The following CUX1 variants were observed in gnomAD, a reference collection of about 807,000 sequenced individuals.
The protein encoded by CUX1 is cut like homeobox 1, also known as protein CASP.
CUX1 carries 31 observed loss-of-function variants against 158.8 expected under a neutral mutation model. The ratio of observed to expected loss-of-function variants is 0.20; its 90% CI spans 0.15 to 0.26. The LOEUF is 0.26. CUX1 is among the 10% of genes least tolerant of loss of function. The probability of loss-of-function intolerance (pLI) is 1.00; values close to 1 mark genes in which losing one functional copy is unlikely to be tolerated. For missense variants in CUX1, 1,589 were observed against 2,014.6 expected, an observed-to-expected ratio of 0.79 and a Z score of 4.04; for synonymous variants, 879 against 862.1, an observed-to-expected ratio of 1.02 and a Z score of -0.34.
intron 8 of CUX1, among the ~76,000 whole-genome samples, chr7:102,119,687 A>T (rs1300886582): frequency 2.0e-5 from 3 of 152,174 alleles, no homozygotes; most frequent in Admixed American, 6.5e-5. Flanking sequence ...GGGTTAAATA[A>T]ATGAATTATT....
intron 2 of CUX1, among the ~76,000 whole-genome samples, chr7:101,947,085 T>G (rs545133996): frequency 2.0e-5 from 3 of 152,164 alleles, no homozygotes; most frequent in African/African-American, 7.2e-5. Context: ...GATTTAAAAC[T>G]TGAGTAACTT....
chr7:101,865,509 GT>G (rs1243794597), intron 1 of CUX1, among the ~76,000 whole-genome samples: 1 of 152,186 alleles, frequency 6.6e-6, no homozygotes, highest in African/African-American at 2.4e-5. Flanking sequence ...GCTGTTAAAT[GT>G]TTACTGGCAA....
At chr7:102,216,041 C>T (rs919975683) in intron 20 of CUX1, among the ~76,000 whole-genome samples, 2 of 152,138 alleles carry the variant, frequency 1.3e-5, no homozygotes, top group African/African-American at 4.8e-5. Context: ...CAGTGGCTCA[C>T]GCCTATAATC....
intron 20 of CUX1, among the ~76,000 whole-genome samples, chr7:102,208,329 C>T (rs533635394): frequency 1.3e-5 from 2 of 152,266 alleles, no homozygotes; most frequent in Non-Finnish European, 2.9e-5. Flanking sequence ...CTGCAACCTC[C>T]GCCTCCTGGG....
At chr7:101,872,913 C>T (rs1413673747) in intron 1 of CUX1, among the ~76,000 whole-genome samples, 1 of 152,074 alleles carries the variant, frequency 6.6e-6, no homozygotes, top group Admixed American at 6.6e-5. Flanking sequence ...CGCTCTGTCA[C>T]CCGGGCTGGA....
rs1795164857 is a variant in CUX1 at position 101,841,166 on chromosome 7, T to A, written c.30+23497T>A. Among the ~76,000 whole-genome samples the A allele has an allele frequency of 2.6e-5, 4 of 152,204 alleles. No individual in the cohort carries two copies. The South Asian group carries it at 8.3e-4, about 31-fold the overall frequency. Reference sequence around the variant, plus strand: ...CCTCGGCCTCCCAAAGTGCTGGGATTACAGGCGTGAGCCACCACGCCCGGC... The same window carrying A: ...CCTCGGCCTCCCAAAGTGCTGGGATAACAGGCGTGAGCCACCACGCCCGGC... On this transcript the variant is annotated intron_variant, in intron 1 of 23. Coordinates refer to ENST00000292535, the MANE Select transcript of CUX1 (RefSeq NM_181552.4).
chr7:102,088,974 A>G (rs1049731185), intron 4 of CUX1, among the ~76,000 whole-genome samples: 1 of 151,922 alleles, frequency 6.6e-6, no homozygotes, highest in African/African-American at 2.4e-5. Flanking sequence ...TGGGAAATGT[A>G]TGTTTGGTTG....
chr7:102,069,331 G>C (rs990989537), intron 3 of CUX1, among the ~76,000 whole-genome samples: 1 of 152,084 alleles, frequency 6.6e-6, no homozygotes, highest in Non-Finnish European at 1.5e-5. Flanking sequence ...ATGTATCCGC[G>C]TTCCCACCTG....
At chr7:101,993,254 C>T (rs1384677146) in intron 2 of CUX1, among the ~76,000 whole-genome samples, 3 of 152,114 alleles carry the variant, frequency 2.0e-5, no homozygotes, top group East Asian at 3.9e-4. Context: ...CGCTTGAACC[C>T]GGGAGGTAGA....
Position 102,124,622 on chromosome 7 carries a change from T to C in CUX1, c.674+9349T>C, listed in dbSNP as rs537087471. Reference sequence around the variant, plus strand: ...CACAAGATCTCACTCATGTAAAACGTTGATCACATAAAAGTTAAGAAGAAT... The same window carrying C: ...CACAAGATCTCACTCATGTAAAACGCTGATCACATAAAAGTTAAGAAGAAT... On this transcript the variant is annotated intron_variant, in intron 8 of 23. Coordinates refer to ENST00000292535, the MANE Select transcript of CUX1 (RefSeq NM_181552.4). Among the ~76,000 whole-genome samples the C allele has an allele frequency of 2.6e-5, 4 of 152,250 alleles. No individual in the cohort carries two copies. In the East Asian group the frequency reaches 7.7e-4, roughly 29 times the overall value.
intron 18 of CUX1, among the ~76,000 whole-genome samples, chr7:102,278,907 G>C (rs1791833414): frequency 6.6e-6 from 1 of 151,674 alleles, no homozygotes. Context: ...AGGCATCGTG[G>C]CACGTGCCTG....
At chr7:101,875,478 A>G (rs1337479133) in intron 1 of CUX1, among the ~76,000 whole-genome samples, 1 of 152,216 alleles carries the variant, frequency 6.6e-6, no homozygotes, top group African/African-American at 2.4e-5. Context: ...ACACTGCCCT[A>G]TAATAAGCCA....
intron 11 of CUX1, among the ~76,000 whole-genome samples, chr7:102,184,099 T>C (rs1554514689): frequency 6.6e-6 from 1 of 152,146 alleles, no homozygotes; most frequent in African/African-American, 2.4e-5. Context: ...GGTCTTGCTA[T>C]GTTGCCCAGG....
At chr7:101,989,310 G>A (rs951544664) in intron 2 of CUX1, among the ~76,000 whole-genome samples, 17 of 152,198 alleles carry the variant, frequency 1.1e-4, no homozygotes, top group African/African-American at 2.9e-4. Flanking sequence ...TGTCTGCGCC[G>A]ACCAGTGATA....
At chr7:101,968,312 T>A (rs1811478488) in intron 2 of CUX1, among the ~76,000 whole-genome samples, 1 of 152,064 alleles carries the variant, frequency 6.6e-6, no homozygotes, top group Non-Finnish European at 1.5e-5. Context: ...AGTCAAGAGG[T>A]TGAGTCTGGG....
chr7:102,242,656 A>G (rs962617670), intron 23 of CUX1, among the ~76,000 whole-genome samples: 12 of 152,216 alleles, frequency 7.9e-5, no homozygotes, highest in African/African-American at 2.7e-4. Context: ...GATGCTACCA[A>G]TTATACAAAA....
chr7:101,828,651 G>A (rs1793655050), intron 1 of CUX1, among the ~76,000 whole-genome samples: 1 of 152,208 alleles, frequency 6.6e-6, no homozygotes, highest in Admixed American at 6.5e-5. Flanking sequence ...TCTGGGCAAA[G>A]GCACGCCCCG....
chr7:102,135,003 A>T (rs1358410796), intron 8 of CUX1, among the ~76,000 whole-genome samples: 1 of 152,112 alleles, frequency 6.6e-6, no homozygotes, highest in East Asian at 1.9e-4. Flanking sequence ...ACTCACATTT[A>T]TGGTTACTTT....
chr7:102,017,917 G>A (rs541979172), intron 2 of CUX1, among the ~76,000 whole-genome samples: 1 of 152,164 alleles, frequency 6.6e-6, no homozygotes, highest in African/African-American at 2.4e-5. Context: ...AGATACATCA[G>A]TAAATCACAG....
Sources: allele counts gnomAD v4.1 joint callset (sites outside exome capture counted in the v4.1 genomes callset), GRCh38; gene constraint gnomAD v4.1.1; transcripts MANE v1.5; gene names NCBI Gene and HGNC (gene_info 2026-07-23, HGNC 2026-07-21).